Variants in ITPR1 observed in about 807,000 individuals in gnomAD.
ITPR1 encodes inositol 1,4,5-trisphosphate-gated calcium channel ITPR1.
In ITPR1, 96 loss-of-function variants were observed where a neutral mutation model predicts 318.4. The ratio of observed to expected loss-of-function variants is 0.30; its 90% confidence interval spans 0.26 to 0.36. ITPR1 has a LOEUF of 0.36. Ranked by LOEUF, ITPR1 falls within the 10% of genes least tolerant of loss-of-function variation. ITPR1 has a pLI of 1.00. For synonymous variants in ITPR1, 1,312 were observed against 1,289.9 expected (o/e 1.02, Z -0.37); for missense variants, 2,440 against 3,460.2 (o/e 0.71, Z 7.40).
chr3:4,826,448 G>A lies in ITPR1; in HGVS notation c.8028+8206G>A, dbSNP rs1437784221. Among the ~76,000 whole-genome samples the A allele has an allele frequency of 6.6e-6, 1 of 152,194 alleles. No individual in the cohort carries two copies. Among genetic ancestry groups the A allele is most frequent in the East Asian group, 1.9e-4 (1 of 5,190 alleles). On this transcript the variant is annotated intron_variant, in intron 60 of 61. Transcript: ENST00000649015. This position sits in a 1 kb window ranked among gnomAD's most constrained non-coding sequence, Gnocchi z 4.2. ...TGAAGTTAGCTGGCACCACGGCAGA[G>A]TCAAGAATATCGGAGCAGGGAGGAG... is the stretch of plus-strand genomic sequence containing the variant.
intron 24 of ITPR1, among the ~76,000 whole-genome samples, 155 bp from the exon 25 acceptor site, chr3:4,680,398 T>C (rs2094274321): frequency 6.6e-6 from 1 of 152,192 alleles, no homozygotes; most frequent in Non-Finnish European, 1.5e-5. Flanking sequence ...GTTGTTAAAA[T>C]GACTGTTGAA....
chr3:4,782,207 C>T (rs2046881754), intron 49 of ITPR1: 1 of 154,734 alleles, frequency 6.5e-6, no homozygotes, highest in African/African-American at 2.4e-5. Context: ...GAATAGACTT[C>T]TTATCAGGTT....
chr3:4,725,914 C>T (rs776773758), intron 41 of ITPR1, among the ~76,000 whole-genome samples: 6 of 152,152 alleles, frequency 3.9e-5, no homozygotes, highest in Non-Finnish European at 5.9e-5. Flanking sequence ...ACAAAATTGA[C>T]TTTGGGTCCT....
intron 4 of ITPR1, among the ~76,000 whole-genome samples, chr3:4,530,837 A>G (rs991636728): frequency 6.6e-6 from 1 of 152,086 alleles, no homozygotes; most frequent in African/African-American, 2.4e-5. Flanking sequence ...CTCCCTGGAA[A>G]GTGGATCTTA....
chr3:4,573,132 G>C (rs2088209660), intron 4 of ITPR1, among the ~76,000 whole-genome samples: 1 of 152,058 alleles, frequency 6.6e-6, no homozygotes, highest in Non-Finnish European at 1.5e-5. Flanking sequence ...TTATATAGTA[G>C]CTCTACTTTT....
chr3:4,649,615 G>T (rs1198362792), intron 10 of ITPR1, among the ~76,000 whole-genome samples: 1 of 152,106 alleles, frequency 6.6e-6, no homozygotes, highest in Non-Finnish European at 1.5e-5. Flanking sequence ...TATCATATAT[G>T]GTCCTTCATA....
At chr3:4,540,051 TA>T (rs1341970594) in intron 4 of ITPR1, among the ~76,000 whole-genome samples, 16 of 151,940 alleles carry the variant, frequency 1.1e-4, no homozygotes, top group Admixed American at 3.9e-4. Flanking sequence ...TTAAAAGGGT[TA>T]AAAAAATTCT....
chr3:4,526,742 T>G (rs1464268574), intron 4 of ITPR1, among the ~76,000 whole-genome samples: 1 of 152,230 alleles, frequency 6.6e-6, no homozygotes, highest in East Asian at 1.9e-4. Context: ...TTGCCCATAG[T>G]CAGTTAAATG....
Position 4,670,729 on chromosome 3 carries a change from G to A in ITPR1, c.2007G>A (p.Lys669=), listed in dbSNP as rs2306875. 0.67 allele frequency: 1,049,285 copies of A among 1,569,864 alleles called. 354,237 individuals are homozygous for A. The highest frequency in any genetic ancestry group is 0.71 in the Admixed American group (38,316 of 54,124). The change falls in exon 20 of 62, where the codon AAG becomes AAA. Residue 669 remains lysine (K), a splice_region_variant and synonymous_variant. Transcript: ENST00000649015. The part of the protein sequence containing the change: ...PTNADILIET[K]LVLSRFEFEG... The stretch of plus-strand genomic sequence containing the variant: ...TTTCCCTCCTCCTCTTGTTTTCTAG[G>A]TTGGTTCTTTCTCGTTTTGAATTTG...
intron 4 of ITPR1, among the ~76,000 whole-genome samples, chr3:4,537,564 G>A (rs1015599158): frequency 3.9e-5 from 6 of 152,306 alleles, no homozygotes; most frequent in South Asian, 2.1e-4. Flanking sequence ...TCTTGAGATG[G>A]GGAGAGTATC....
At position 4,702,798 on chromosome 3, in the gene ITPR1, T is replaced by C. The variant is rs568429550; in HGVS notation, c.4537-32T>C. ...TCAGTAGTCTACAAATAAAAATCTG[T>C]TTTTCACGTTGCCTCTTTTGGCTTC... On this transcript the variant is annotated intron_variant, in intron 35 of 61. Transcript: ENST00000649015. 1.5e-4 allele frequency: 235 copies of C among 1,607,602 alleles called. 4 individuals carry two copies. The South Asian group carries it at 2.4e-3, about 17-fold the overall frequency.
At chr3:4,593,570 C>A (rs2090559011) in intron 4 of ITPR1, among the ~76,000 whole-genome samples, 1 of 152,154 alleles carries the variant, frequency 6.6e-6, no homozygotes, top group South Asian at 2.1e-4. Flanking sequence ...GATTCAGAAA[C>A]ATAAACTGAT....
chr3:4,533,713 G>A (rs1026142440), intron 4 of ITPR1, among the ~76,000 whole-genome samples: 3 of 152,172 alleles, frequency 2.0e-5, no homozygotes, highest in Non-Finnish European at 4.4e-5. Context: ...GAATTTTTTA[G>A]ATTTTATTGA....
chr3:4,494,842 A>G (rs1385308756), intron 2 of ITPR1, among the ~76,000 whole-genome samples: 2 of 152,252 alleles, frequency 1.3e-5, no homozygotes, highest in African/African-American at 4.8e-5. Context: ...AGTGCATTTC[A>G]TATGCCAAAA....
chr3:4,834,404 C>T lies in ITPR1; in HGVS notation c.8029-2370C>T, dbSNP rs145163070. Among the ~76,000 whole-genome samples the T allele has an allele frequency of 3.5e-4, 54 of 152,198 alleles. 1 individual carries two copies. The East Asian group carries it at 9.6e-3, about 27-fold the overall frequency. ...TATCTTTTTTCTTCAATTTGTTTTC[C>T]TCAATTGAGGTCAGTCTGCAAAAAT... On this transcript the variant is annotated intron_variant, in intron 60 of 61. Coordinates refer to ENST00000649015, the MANE Select transcript of ITPR1 (RefSeq NM_001378452.1).
chr3:4,619,761 CT>C (rs2092548271), intron 4 of ITPR1, among the ~76,000 whole-genome samples: 2 of 82,870 alleles, frequency 2.4e-5, no homozygotes, highest in Non-Finnish European at 5.1e-5. Flanking sequence ...CCCTCCCCTC[CT>C]CTCTTCTGCC....
intron 33 of ITPR1, 36 bp from the exon 34 acceptor site, chr3:4,697,111 G>T (rs1188398351): frequency 6.2e-7 from 1 of 1,604,474 alleles, no homozygotes; most frequent in Admixed American, 1.7e-5. Context: ...TACACACCAA[G>T]ATGGTTTTTC....
At chr3:4,742,611 T>C (rs1370056028) in intron 44 of ITPR1, among the ~76,000 whole-genome samples, 2 of 152,112 alleles carry the variant, frequency 1.3e-5, no homozygotes, top group African/African-American at 4.8e-5. Context: ...ATGATGTGGT[T>C]CTTATTTTTA....
intron 36 of ITPR1, among the ~76,000 whole-genome samples, chr3:4,703,356 CT>C (rs1391932767): frequency 6.6e-6 from 1 of 152,158 alleles, no homozygotes; most frequent in African/African-American, 2.4e-5. Context: ...AAGGAACACC[CT>C]TTCTCAGAAA....
Sources: gnomAD v4.1 joint callset for allele counts (sites outside exome capture counted in the v4.1 genomes callset) on GRCh38, gnomAD v4.1.1 for gene constraint, Gnocchi (gnomAD v3.1) non-coding constraint, MANE v1.5 for transcripts, NCBI Gene and HGNC (gene_info 2026-07-23, HGNC 2026-07-21) for gene names.